Variants in DDX54 observed in about 807,000 individuals in gnomAD.
The protein encoded by DDX54 is ATP-dependent RNA helicase DDX54.
DDX54 carries 67 observed loss-of-function variants against 105.5 expected under a neutral mutation model. The observed-to-expected ratio is 0.64, with a 90% CI of 0.52 to 0.78. DDX54 has a LOEUF of 0.78. Among genes scored for constraint, DDX54 ranks in the 30% least tolerant of loss-of-function variants. The pLI is 0.00. For synonymous variants in DDX54, 514 were observed against 509.9 expected (o/e 1.01, Z -0.11); for missense variants, 1,206 against 1,230.5 (o/e 0.98, Z 0.30).
intron 1 of DDX54, among the ~76,000 whole-genome samples, chr12:113,184,072 G>T (rs1002347947): frequency 6.6e-6 from 1 of 151,498 alleles, no homozygotes; most frequent in African/African-American, 2.4e-5. Context: ...TCAGCCTCCC[G>T]AGTAGCTGGG....
intron 12 of DDX54, chr12:113,168,058 T>G: frequency 2.3e-6 from 1 of 428,018 alleles, no homozygotes; most frequent in South Asian, 1.7e-5. Flanking sequence ...GACTGAGGCC[T>G]CCACCTCCAG....
In DDX54 at chr12:113,169,886, C is replaced by T; in HGVS notation, c.1298G>A (p.Gly433Asp). ...CAAGGAGTAGGCTGTGCCACTTCGG[C>T]CAGCCCGAGCCACACGGCCTGCAGC... ...LHRVGRVARA[G>D]RSGTAYSLVA... Residue 433 changes from glycine (G) to aspartate (D), a missense_variant, in exon 12 of 20, where the codon GGC becomes GAC. Physicochemically the swap from Gly to Asp is moderately conservative, Grantham distance 94 (BLOSUM62 -1). Around this residue, in one of 3 missense-constraint regions of DDX54, gnomAD observed 961 missense variants for 1,019.1 expected, o/e 0.94. Coordinates refer to ENST00000306014, the MANE Select transcript of DDX54 (RefSeq NM_024072.4). The T allele has an allele frequency of 6.2e-7, 1 of 1,613,224 alleles. No homozygotes were observed. The highest frequency in any genetic ancestry group is 8.5e-7 in the Non-Finnish European group (1 of 1,179,936).
chr12:113,185,141 A>C, intron 1 of DDX54, 137 bp downstream of exon 1: 1 of 1,165,514 alleles, frequency 8.6e-7, no homozygotes, highest in Non-Finnish European at 1.1e-6. Flanking sequence ...GGCGGTCCCA[A>C]GACCGGTCCT....
chr12:113,170,184 C>T (rs898520844), intron 11 of DDX54, among the ~76,000 whole-genome samples: 10 of 152,134 alleles, frequency 6.6e-5, no homozygotes, highest in South Asian at 2.1e-4. Context: ...TTTGAGAATT[C>T]CCCGCAAAGA....
chr12:113,157,546 G>C lies in DDX54; in HGVS notation c.*1331C>G. ...CGGCCTCCCCCGCGTGTTGAGGGGT[G>C]GGGGCTGGACAGTGACTCTGGGGCT... On this transcript the variant is annotated 3_prime_UTR_variant, in exon 20 of 20. Transcript: ENST00000306014. 1 of 1,466,950 alleles carries C rather than the reference G, an allele frequency of 6.8e-7. No individual in the cohort carries two copies. Among genetic ancestry groups the C allele is most frequent in the Non-Finnish European group, 9.3e-7 (1 of 1,070,806 alleles). The allele number at this position is 1,466,950 out of a possible 1,614,324, so 90.9% of individuals were successfully genotyped here. A position where few individuals can be genotyped will look rare whatever the true frequency, so the allele number is the denominator to read the frequency against.
At position 113,161,308 on chromosome 12, in the gene DDX54, C is replaced by T; in HGVS notation, c.2375G>A (p.Gly792Asp). Residue 792 changes from glycine (G) to aspartate (D), a missense_variant, in exon 19 of 20, where the codon GGC (glycine) becomes GAC (aspartate). Transcript: ENST00000306014. ...TCGCTTCCCACCTCTTCGCTCTGGGCCTCGCCGGTCAGATGCCCCTTCTTC... is the reference window on the plus strand; with the variant it reads ...TCGCTTCCCACCTCTTCGCTCTGGGTCTCGCCGGTCAGATGCCCCTTCTTC... ...SDEEGASDRR[G>D]PERRGGKRDR... The T allele has an allele frequency of 1.9e-6, 3 of 1,613,634 alleles. No homozygotes were observed. Among genetic ancestry groups the T allele is most frequent in the Non-Finnish European group, 2.5e-6 (3 of 1,179,790 alleles).
At chr12:113,173,774 A>T (rs1367694959) in intron 10 of DDX54, among the ~76,000 whole-genome samples, 2 of 152,224 alleles carry the variant, frequency 1.3e-5, no homozygotes, top group Non-Finnish European at 2.9e-5. Context: ...AAGGGGAACT[A>T]ACGGATGAAG....
In DDX54 at chr12:113,157,506, C is replaced by G; in HGVS notation, c.*1371G>C. ...TTCTTTTAATGAGGGGATCTCCAGT[C>G]CCCGCCCTACCTTTCGGCCTCCCCC... On this transcript the variant is annotated 3_prime_UTR_variant, in exon 20 of 20. Coordinates refer to ENST00000306014, the MANE Select transcript of DDX54 (RefSeq NM_024072.4). 6 of 943,706 alleles carry G rather than the reference C, an allele frequency of 6.4e-6. No individual in the cohort carries two copies. The highest frequency in any genetic ancestry group is 9.9e-6 in the Non-Finnish European group (6 of 606,250). The allele number at this position is 943,706 out of a possible 1,614,324, so 58.5% of individuals were successfully genotyped here.
In DDX54 at chr12:113,174,706, C is replaced by T; in HGVS notation, c.1002G>A (p.Val334=). The change falls in exon 10 of 20, where the codon GTG becomes GTA. Residue 334 remains valine, a synonymous_variant. Transcript: ENST00000306014. ...CCACGGTCTGGTCCTGGGGCCGCAC[C>T]ACGTTGTGCAGCAGGTGGAGCAGCA... is the stretch of plus-strand genomic sequence containing the variant. ...AAVLLHLLHN[V]VRPQDQTVVF... 1 of 1,609,104 alleles carries T rather than the reference C, an allele frequency of 6.2e-7. No individual in the cohort carries two copies. The highest frequency in any genetic ancestry group is 1.1e-5 in the South Asian group (1 of 90,968).
rs1408179800 is a variant in DDX54, at chr12:113,181,033, G to A, written c.200C>T (p.Thr67Ile). 4 of 1,613,040 alleles carry A rather than the reference G, an allele frequency of 2.5e-6. No individual in the cohort carries two copies. Among genetic ancestry groups the A allele is most frequent in the Non-Finnish European group, 3.4e-6 (4 of 1,179,586 alleles). Residue 67 changes from threonine (T) to isoleucine (I), a missense_variant, in exon 2 of 20, where the codon ACC (threonine) becomes ATC (isoleucine). By Grantham distance (89) the Thr-to-Ile change is moderately conservative (BLOSUM62 -1). This residue lies in a region of DDX54 where 212 missense variants were observed against 155.4 expected (regional missense o/e 1.36). Coordinates refer to ENST00000306014, the MANE Select transcript of DDX54 (RefSeq NM_024072.4). ...RKLGPGRPLP[T>I]FPTSECTSDV... ...CGAGGTGCATTCCGAGGTGGGGAAGGTGGGCAGGGGTCTTCCAGGTCCCAG... is the reference window on the plus strand; with the variant it reads ...CGAGGTGCATTCCGAGGTGGGGAAGATGGGCAGGGGTCTTCCAGGTCCCAG...
At chr12:113,177,030 C>T in intron 6 of DDX54, 22 bp downstream of exon 6, 1 of 1,614,024 alleles carries the variant, frequency 6.2e-7, no homozygotes, top group South Asian at 1.1e-5. Context: ...CTCAGGGAGT[C>T]ATCCCCAATC....
At position 113,179,181 on chromosome 12, in the gene DDX54, G is replaced by A. The variant is rs767686054; in HGVS notation, c.526C>T (p.Arg176Ter). 4.3e-6 allele frequency: 7 copies of A among 1,614,078 alleles called. No individual in the cohort carries two copies. In the Admixed American group the frequency reaches 8.3e-5, roughly 19 times the overall value. Residue 176 changes from arginine (R) to a stop codon, truncating the protein, a stop_gained, in exon 4 of 20, where the codon CGA becomes TGA. Coordinates refer to ENST00000306014, the MANE Select transcript of DDX54 (RefSeq NM_024072.4). LOFTEE classifies it high-confidence loss of function. The stretch of plus-strand genomic sequence containing the variant: ...TTCAGGGTCTGCAGGGCCAGCTCTC[G>A]GGTCGGCGAGAGGATGAGGGCGCGG... ...GARALILSPT[R>*]ELALQTLKFT...
chr12:113,185,443 G>A lies in DDX54; in HGVS notation c.9C>T (p.Ala3=), dbSNP rs549666734. 4.6e-6 allele frequency: 7 copies of A among 1,508,130 alleles called. No homozygotes were observed. The African/African-American group carries it at 5.8e-5, about 12-fold the overall frequency. The allele number at this position is 1,508,130 out of a possible 1,614,324, so 93.4% of individuals were successfully genotyped here. ...GAGGTCCAGCCGCCGGGCCCTTGTC[G>A]GCCGCCATTCGGGCCGCGCGCTGGG... MA[A]DKGPAAGPRS... The change falls in exon 1 of 20, where the codon GCC becomes GCT. Residue 3 remains alanine, a synonymous_variant. Transcript: ENST00000306014.
intron 11 of DDX54, among the ~76,000 whole-genome samples, 191 bp downstream of exon 11, chr12:113,172,162 G>A (rs1026873034): frequency 1.3e-5 from 2 of 150,732 alleles, no homozygotes; most frequent in South Asian, 2.1e-4. Flanking sequence ...ATCTTGCTCC[G>A]TCACCCAGGC....
In DDX54 at chr12:113,185,274, C is replaced by T. The variant is rs747682282; in HGVS notation, c.174+4G>A. 3.2e-6 allele frequency: 5 copies of T among 1,556,680 alleles called. No homozygotes were observed. The African/African-American group carries it at 5.5e-5, about 17-fold the overall frequency. On this transcript the variant is annotated splice_donor_region_variant and intron_variant, in intron 1 of 19. Transcript: ENST00000306014. ...GAACATGCGTCCCAGCCCCACGCGCCTACCTTCCGGGCCCGGGCGTCATCT... is the reference window on the plus strand; with the variant it reads ...GAACATGCGTCCCAGCCCCACGCGCTTACCTTCCGGGCCCGGGCGTCATCT...
chr12:113,172,479 T>G lies in DDX54; in HGVS notation c.1153A>C (p.Thr385Pro). The change falls in exon 11 of 20, where the codon ACG becomes CCG. Residue 385 changes from threonine (T) to proline (P), a missense_variant. Physicochemically the swap from Thr to Pro is conservative, Grantham distance 38. Coordinates refer to ENST00000306014, the MANE Select transcript of DDX54 (RefSeq NM_024072.4). ...TARKINLAKF[T>P]LGKCSTLIVT... ...ATGAGAGTGGAGCACTTGCCAAGCG[T>G]GAATTTGGCGAGATTGATCTTGCGG... 1 of 1,614,200 alleles carries G rather than the reference T, an allele frequency of 6.2e-7. No individual in the cohort carries two copies. Among genetic ancestry groups the G allele is most frequent in the African/African-American group, 1.3e-5 (1 of 75,058 alleles).
At position 113,173,954 on chromosome 12, in the gene DDX54, G is replaced by A. The variant is rs150878529; in HGVS notation, c.1068+686C>T. Among the ~76,000 whole-genome samples the A allele has an allele frequency of 2.4e-3, 365 of 152,204 alleles. 5 individuals carry two copies. The South Asian group carries it at 0.028, about 12-fold the overall frequency. ...TCCCAGCACTTTAGGAGGCTGAGACGGGCAGATCATTTGAGGTCAGGAGTT... is the reference window on the plus strand; with the variant it reads ...TCCCAGCACTTTAGGAGGCTGAGACAGGCAGATCATTTGAGGTCAGGAGTT... On this transcript the variant is annotated intron_variant, in intron 10 of 19. Coordinates refer to ENST00000306014, the MANE Select transcript of DDX54 (RefSeq NM_024072.4).
chr12:113,168,822 C>T (rs1272281894), intron 12 of DDX54, among the ~76,000 whole-genome samples: 2 of 152,128 alleles, frequency 1.3e-5, no homozygotes, highest in Non-Finnish European at 2.9e-5. Context: ...CCCAGCTACT[C>T]GGGAGGCTGA....
chr12:113,184,898 T>C (rs997543441), intron 1 of DDX54, among the ~76,000 whole-genome samples: 7 of 152,116 alleles, frequency 4.6e-5, no homozygotes, highest in African/African-American at 1.7e-4. Flanking sequence ...CAGTCTGGCC[T>C]CCCCTTAATT....
Sources: allele counts gnomAD v4.1 joint callset (sites outside exome capture counted in the v4.1 genomes callset), GRCh38; gene constraint gnomAD v4.1.1; regional missense constraint gnomAD v4.1.1; transcripts MANE v1.5; gene names NCBI Gene and HGNC (gene_info 2026-07-23, HGNC 2026-07-21).